Variants in DOT1L observed in about 807,000 individuals in gnomAD.
The protein encoded by DOT1L is DOT1 like histone lysine methyltransferase, also known as histone-lysine N-methyltransferase, H3 lysine-79 specific.
DOT1L carries 33 observed loss-of-function variants against 153.3 expected under a neutral mutation model. The observed-to-expected ratio is 0.22, with a 90% CI of 0.16 to 0.29. The LOEUF (loss-of-function observed/expected upper bound fraction) is 0.29. DOT1L is among the 10% of genes least tolerant of loss of function. The pLI, the probability that DOT1L is intolerant of heterozygous loss-of-function variation, is 1.00. For synonymous variants in DOT1L, 1,135 were observed against 965.1 expected, an observed-to-expected ratio of 1.18 and a Z score of -3.26; for missense variants, 1,847 against 2,119.9, an observed-to-expected ratio of 0.87 and a Z score of 2.53.
intron 1 of DOT1L, among the ~76,000 whole-genome samples, chr19:2,176,296 C>G (rs898961670): frequency 6.6e-6 from 1 of 152,124 alleles, no homozygotes. Context: ...GGGACAGGGG[C>G]AGTAACTCGG....
At chr19:2,168,646 G>C (rs764376978) in intron 1 of DOT1L, among the ~76,000 whole-genome samples, 1 of 152,120 alleles carries the variant, frequency 6.6e-6, no homozygotes, top group South Asian at 2.1e-4. Flanking sequence ...AGGGAATCTC[G>C]TACTGTTGCC....
intron 26 of DOT1L, 120 bp from the exon 27 acceptor site, chr19:2,226,063 G>A: frequency 8.9e-7 from 1 of 1,127,492 alleles, no homozygotes; most frequent in South Asian, 1.7e-5. Context: ...GGCATCTTGA[G>A]TGTCTGTGAC....
intron 2 of DOT1L, among the ~76,000 whole-genome samples, chr19:2,184,524 A>G (rs1319524048): frequency 6.6e-6 from 1 of 152,116 alleles, no homozygotes; most frequent in East Asian, 1.9e-4. Flanking sequence ...TAGCAGGTCA[A>G]GAGGACTGGG....
At position 2,199,877 on chromosome 19, in the gene DOT1L, C is replaced by T. The variant is rs1007307328; in HGVS notation, c.652-7C>T. 1 of 1,613,784 alleles carries T rather than the reference C, an allele frequency of 6.2e-7. No homozygotes were observed. The highest frequency in any genetic ancestry group is 1.7e-4 in the Middle Eastern group (1 of 6,054). ...GGGTCCGCGCTCACACCTGTTTTCC[C>T]TTTCAGTTGGAGAGAGGCGATTTCC... On this transcript the variant is annotated splice_region_variant and splice_polypyrimidine_tract_variant and intron_variant, in intron 7 of 27. Transcript: ENST00000398665.
In DOT1L at chr19:2,232,406, T is replaced by C. The variant is rs2024645122; in HGVS notation, c.*2614T>C. The C allele has an allele frequency of 5.3e-6, 1 of 190,238 alleles. No individual in the cohort carries two copies. The highest frequency in any genetic ancestry group is 1.1e-5 in the Non-Finnish European group (1 of 92,488). 11.8% of individuals were successfully genotyped at this position (190,238 alleles called of 1,614,324 possible). A position where few individuals can be genotyped will look rare whatever the true frequency, so the allele number is the denominator to read the frequency against. ...CCCAACACAACACGCTGCTGGTCTG[T>C]GTCAGCCTTTGTAACGTGGGAGGCT... On this transcript the variant is annotated 3_prime_UTR_variant, in exon 28 of 28. Coordinates refer to ENST00000398665, the MANE Select transcript of DOT1L (RefSeq NM_032482.3).
At chr19:2,227,359 T>C (rs1407680277) in intron 27 of DOT1L, 6 of 731,066 alleles carry the variant, frequency 8.2e-6, no homozygotes, top group South Asian at 6.0e-5. Flanking sequence ...CCTCTTGTTT[T>C]CAGAAGGCCA....
chr19:2,181,946 T>C (rs1354894789), intron 2 of DOT1L, among the ~76,000 whole-genome samples: 2 of 152,120 alleles, frequency 1.3e-5, no homozygotes, highest in Non-Finnish European at 2.9e-5. Context: ...GCTCAAGCTG[T>C]GCACGGTGGC....
intron 25 of DOT1L, among the ~76,000 whole-genome samples, chr19:2,224,157 T>G (rs1268891785): frequency 6.6e-6 from 1 of 152,196 alleles, no homozygotes. Context: ...TGGGTGGTGC[T>G]CCACCATCCA....
chr19:2,216,464 C>T lies in DOT1L; in HGVS notation c.2107C>T (p.His703Tyr), dbSNP rs1401443478. ...ELDCTKFSLP[H>Y]LSSMSPELSM... Reference sequence around the variant, plus strand: ...GGACTGCACCAAGTTCTCGCTGCCTCACTTGAGCAGCATGAGCCCGGAGCT... The same window carrying T: ...GGACTGCACCAAGTTCTCGCTGCCTTACTTGAGCAGCATGAGCCCGGAGCT... Residue 703 changes from histidine to tyrosine, a missense_variant, in exon 20 of 28, where the codon CAC becomes TAC. Transcript: ENST00000398665. 7 of 1,612,568 alleles carry T rather than the reference C, an allele frequency of 4.3e-6. No homozygotes were observed. The highest frequency in any genetic ancestry group is 1.7e-5 in the Admixed American group (1 of 60,010).
chr19:2,191,769 G>A lies in DOT1L; in HGVS notation c.493+529G>A, dbSNP rs528728683. On this transcript the variant is annotated intron_variant, in intron 5 of 27. Transcript: ENST00000398665. This position sits in a 1 kb window ranked among gnomAD's most constrained non-coding sequence, Gnocchi z 6.8. The stretch of plus-strand genomic sequence containing the variant: ...CTCGGCACCCCTGCGTCTGGGCCGT[G>A]CCCTGCCCCTCCCAGGTTGGGGCTC... Among the ~76,000 whole-genome samples the A allele has an allele frequency of 6.6e-6, 1 of 152,170 alleles. No homozygotes were observed. Among genetic ancestry groups the A allele is most frequent in the African/African-American group, 2.4e-5 (1 of 41,516 alleles).
intron 27 of DOT1L, chr19:2,229,113 C>T (rs562709667): frequency 5.1e-6 from 5 of 985,288 alleles, no homozygotes; most frequent in East Asian, 2.3e-4. Flanking sequence ...TTAGTGTAGA[C>T]GGTGCCCACC....
At chr19:2,186,194 T>A (rs534896148) in intron 3 of DOT1L, among the ~76,000 whole-genome samples, 1 of 152,384 alleles carries the variant, frequency 6.6e-6, no homozygotes, top group South Asian at 2.1e-4. Context: ...CCCGCGCTAG[T>A]GATCGCTCTT....
intron 8 of DOT1L, 94 bp downstream of exon 8, chr19:2,200,033 C>G: frequency 2.7e-6 from 4 of 1,488,406 alleles, no homozygotes; most frequent in East Asian, 2.4e-5. Flanking sequence ...GCCCCTCGCT[C>G]CTGTGCTGGC....
At position 2,196,445 on chromosome 19, in the gene DOT1L, G is replaced by C. The variant is rs371363032; in HGVS notation, c.651+1868G>C. ...CCCCCTGGGTTCAAGTGATTCTCCT[G>C]CCTTTGCCTCCTGAGTAGCTGGAAT... On this transcript the variant is annotated intron_variant, in intron 7 of 27. Transcript: ENST00000398665. Among the ~76,000 whole-genome samples the C allele has an allele frequency of 2.6e-5, 4 of 152,340 alleles. No homozygotes were observed. The South Asian group carries it at 6.2e-4, about 24-fold the overall frequency.
Position 2,210,397 on chromosome 19 carries a change from C to T in DOT1L, c.1006-3C>T, listed in dbSNP as rs749604088. 4 of 1,529,668 alleles carry T rather than the reference C, an allele frequency of 2.6e-6. No individual in the cohort carries two copies. In the African/African-American group the frequency reaches 4.1e-5, roughly 16 times the overall value. The allele number at this position is 1,529,668 out of a possible 1,614,324, so 94.8% of individuals were successfully genotyped here. On this transcript the variant is annotated splice_region_variant and splice_polypyrimidine_tract_variant and intron_variant, in intron 12 of 27. Coordinates refer to ENST00000398665, the MANE Select transcript of DOT1L (RefSeq NM_032482.3). Reference sequence around the variant, plus strand: ...CCTGTGGCTCAACCTGCTCTCCTTCCAGGAGGAACAGGAGGCAGCCCGGCG... The same window carrying T: ...CCTGTGGCTCAACCTGCTCTCCTTCTAGGAGGAACAGGAGGCAGCCCGGCG...
chr19:2,225,537 C>T, intron 26 of DOT1L, 85 bp downstream of exon 26: 1 of 1,402,526 alleles, frequency 7.1e-7, no homozygotes, highest in Non-Finnish European at 1.0e-6. Flanking sequence ...ACCTGCTGGC[C>T]CGCTGCATCG....
intron 19 of DOT1L, chr19:2,216,003 T>G (rs1208445021): frequency 1.0e-5 from 4 of 401,742 alleles, no homozygotes; most frequent in South Asian, 4.3e-5. Context: ...ACACTTAGAG[T>G]CTATTTTGAG....
In DOT1L at chr19:2,226,844, C is replaced by T. The variant is rs769555949; in HGVS notation, c.4323C>T (p.Gly1441=). Residue 1441 remains glycine, a synonymous_variant, in exon 27 of 28, where the codon GGC becomes GGT. Transcript: ENST00000398665. ...AAVPPGSLLS[G]PGLAPAASSA... is the part of the protein sequence containing the mutation. ...TGCCTCCCGGAAGCCTCCTCAGCGGCCCCGGCCTGGCCCCGGCGGCGTCCT... is the reference window on the plus strand; with the variant it reads ...TGCCTCCCGGAAGCCTCCTCAGCGGTCCCGGCCTGGCCCCGGCGGCGTCCT... 6.3e-7 allele frequency: 1 copy of T among 1,580,796 alleles called. No individual in the cohort carries two copies. The highest frequency in any genetic ancestry group is 8.5e-7 in the Non-Finnish European group (1 of 1,171,698).
chr19:2,200,039 C>T lies in DOT1L; in HGVS notation c.707+100C>T. ...CCGGGAGCGGCCCCTCGCTCCTGTGCTGGCTGTGGCAGGAAAGAGGCCGGT... is the reference window on the plus strand; with the variant it reads ...CCGGGAGCGGCCCCTCGCTCCTGTGTTGGCTGTGGCAGGAAAGAGGCCGGT... On this transcript the variant is annotated intron_variant, in intron 8 of 27. Transcript: ENST00000398665. 2.1e-6 allele frequency: 3 copies of T among 1,460,054 alleles called. No individual in the cohort carries two copies. The South Asian group carries it at 3.8e-5, about 19-fold the overall frequency. The allele number at this position is 1,460,054 out of a possible 1,614,324, so 90.4% of individuals were successfully genotyped here. A position where few individuals can be genotyped will look rare whatever the true frequency, so the allele number is the denominator to read the frequency against.
Sources: allele counts gnomAD v4.1 joint callset (sites outside exome capture counted in the v4.1 genomes callset), GRCh38; gene constraint gnomAD v4.1.1; non-coding constraint Gnocchi (gnomAD v3.1); transcripts MANE v1.5; gene names NCBI Gene and HGNC (gene_info 2026-07-23, HGNC 2026-07-21).